The following SLC30A5 variants were observed in gnomAD, a reference collection of about 807,000 sequenced individuals.
SLC30A5 encodes the protein proton-coupled zinc antiporter SLC30A5.
Under a neutral mutation model 79.6 loss-of-function variants are expected in SLC30A5, and 33 were observed. The observed-to-expected ratio is 0.41, with a 90% CI of 0.31 to 0.55. SLC30A5 has a LOEUF of 0.55. Among genes scored for constraint, SLC30A5 ranks in the 20% least tolerant of loss-of-function variants. The pLI, the probability that SLC30A5 is intolerant of heterozygous loss-of-function variation, is 0.20. For synonymous variants in SLC30A5, 299 were observed against 319.7 expected (o/e 0.94, Z 0.69); for missense variants, 788 against 928.1 (o/e 0.85, Z 1.96).
chr5:69,129,345 A>G, intron 15 of SLC30A5, 102 bp from the exon 16 acceptor site: 2 of 825,730 alleles, frequency 2.4e-6, no homozygotes, highest in Non-Finnish European at 3.6e-6. Context: ...GTATTTTCAG[A>G]TTAAAGATAC....
chr5:69,113,212 A>C lies in SLC30A5; in HGVS notation c.520A>C (p.Lys174Gln). The change falls in exon 6 of 16, where the codon AAA (lysine) becomes CAA (glutamine). Residue 174 changes from lysine (K) to glutamine (Q), a missense_variant. Lys to Gln is a moderately conservative substitution (Grantham distance 53). Coordinates refer to ENST00000396591, the MANE Select transcript of SLC30A5 (RefSeq NM_022902.5). Reference protein sequence around the residue: ...LLFDNDDLMAKMAEHPEGHHD... With the variant: ...LLFDNDDLMAQMAEHPEGHHD... The stretch of plus-strand genomic sequence containing the variant: ...TTTTGACAATGATGATCTCATGGCT[A>C]AAATGGCTGAACACCGTATCCTTTT... 1 of 1,613,294 alleles carries C rather than the reference A, an allele frequency of 6.2e-7. No individual in the cohort carries two copies. Among genetic ancestry groups the C allele is most frequent in the South Asian group, 1.1e-5 (1 of 90,946 alleles).
At chr5:69,095,713 G>A (rs1243939500) in intron 1 of SLC30A5, among the ~76,000 whole-genome samples, 1 of 152,082 alleles carries the variant, frequency 6.6e-6, no homozygotes, top group Non-Finnish European at 1.5e-5. Context: ...TGCTTTAAAG[G>A]ATGTTACTGG....
Position 69,094,073 on chromosome 5 carries a change from C to CG in SLC30A5, c.-183_-182insG. 2.5e-6 allele frequency: 1 copy of CG among 401,434 alleles called. No homozygotes were observed. The allele number at this position is 401,434 out of a possible 1,614,324, so 24.9% of individuals were successfully genotyped here. A position where few individuals can be genotyped will look rare whatever the true frequency, so the allele number is the denominator to read the frequency against. On this transcript the variant is annotated 5_prime_UTR_variant, in exon 1 of 16. Transcript: ENST00000396591. ...CCGCCGGAACTGATCGCGGCCTAGT[C>CG]CCGACGCGTGTGTGCTAGTGAGCCG...
In SLC30A5 at chr5:69,100,247, C is replaced by T. The variant is rs1038663323; in HGVS notation, c.84-560C>T. Among the ~76,000 whole-genome samples the T allele has an allele frequency of 6.6e-5, 10 of 152,250 alleles. No individual in the cohort carries two copies. The East Asian group carries it at 1.9e-3, about 29-fold the overall frequency. ...CCTCCCAAAGTGCTGGGATTACAGG[C>T]ATGAGCGCCCAGCCTGTTTGTATTT... is the stretch of plus-strand genomic sequence containing the variant. On this transcript the variant is annotated intron_variant, in intron 1 of 15. Coordinates refer to ENST00000396591, the MANE Select transcript of SLC30A5 (RefSeq NM_022902.5).
intron 2 of SLC30A5, 82 bp from the exon 3 acceptor site, chr5:69,102,980 T>A: frequency 1.6e-6 from 1 of 644,040 alleles, no homozygotes; most frequent in Admixed American, 2.8e-5. Context: ...CATATTTGTT[T>A]AAAATAAGTG....
intron 15 of SLC30A5, 84 bp from the exon 16 acceptor site, chr5:69,129,363 G>A (rs761013428): frequency 4.4e-5 from 42 of 948,496 alleles, no homozygotes; most frequent in Admixed American, 3.3e-4. Flanking sequence ...TACTCAACCC[G>A]TATCAACTAT....
intron 12 of SLC30A5, among the ~76,000 whole-genome samples, chr5:69,121,023 T>C (rs1746520892): frequency 6.6e-6 from 1 of 152,200 alleles, no homozygotes; most frequent in Non-Finnish European, 1.5e-5. Flanking sequence ...CCAGGCATAG[T>C]GGCTCATGCC....
At chr5:69,098,830 C>A (rs1474904509) in intron 1 of SLC30A5, among the ~76,000 whole-genome samples, 1 of 152,214 alleles carries the variant, frequency 6.6e-6, no homozygotes, top group Non-Finnish European at 1.5e-5. Flanking sequence ...AGGTGCTCAA[C>A]AAATGTTAAC....
At chr5:69,112,248 G>A (rs902240948) in intron 5 of SLC30A5, among the ~76,000 whole-genome samples, 1 of 151,566 alleles carries the variant, frequency 6.6e-6, no homozygotes, top group African/African-American at 2.4e-5. Flanking sequence ...AGTGAGCCGA[G>A]ATCGTGCCAT....
intron 14 of SLC30A5, among the ~76,000 whole-genome samples, chr5:69,124,845 C>T (rs187586736): frequency 2.6e-5 from 4 of 152,170 alleles, no homozygotes; most frequent in Admixed American, 1.3e-4. Flanking sequence ...GCTGGGATTA[C>T]AGGTGTGAGC....
rs116806616 is a variant in SLC30A5, at chr5:69,095,452, G to A, written c.83+1114G>A. Reference sequence around the variant, plus strand: ...CCCGACCTCGTGATCGGCCTGCCTCGGTCTTCCAAAGTGCCGGGATTACAG... The same window carrying A: ...CCCGACCTCGTGATCGGCCTGCCTCAGTCTTCCAAAGTGCCGGGATTACAG... On this transcript the variant is annotated intron_variant, in intron 1 of 15. Coordinates refer to ENST00000396591, the MANE Select transcript of SLC30A5 (RefSeq NM_022902.5). Among the ~76,000 whole-genome samples the A allele has an allele frequency of 5.1e-3, 768 of 152,056 alleles. 5 individuals carry two copies. The highest frequency in any genetic ancestry group is 0.017 in the African/African-American group (711 of 41,474).
intron 14 of SLC30A5, among the ~76,000 whole-genome samples, chr5:69,126,095 C>T (rs1746679816): frequency 6.6e-6 from 1 of 151,936 alleles, no homozygotes; most frequent in Non-Finnish European, 1.5e-5. Context: ...TATAAACCAG[C>T]AATTCCTAGA....
At chr5:69,106,824 A>T (rs1303211298) in intron 4 of SLC30A5, among the ~76,000 whole-genome samples, 1 of 151,908 alleles carries the variant, frequency 6.6e-6, no homozygotes, top group Admixed American at 6.6e-5. Context: ...TTTTTTCTTT[A>T]TATCCTTATT....
At chr5:69,106,521 C>A (rs1411987137) in intron 4 of SLC30A5, among the ~76,000 whole-genome samples, 1 of 152,182 alleles carries the variant, frequency 6.6e-6, no homozygotes, top group Non-Finnish European at 1.5e-5. Flanking sequence ...TCTACTAAAA[C>A]CATTATGCAG....
chr5:69,124,664 C>T (rs1746627427), intron 14 of SLC30A5, among the ~76,000 whole-genome samples: 1 of 152,160 alleles, frequency 6.6e-6, no homozygotes, highest in South Asian at 2.1e-4. Context: ...CAACCTCCAC[C>T]TCCCGGGTTC....
At position 69,116,575 on chromosome 5, in the gene SLC30A5, G is replaced by C; in HGVS notation, c.1254G>C (p.Gln418His). The change falls in exon 10 of 16, where the codon CAG (glutamine) becomes CAC (histidine). Residue 418 changes from glutamine to histidine, a missense_variant. Gln to His is a conservative substitution (Grantham distance 24, BLOSUM62 0). Around this residue, in one of 3 missense-constraint regions of SLC30A5, gnomAD observed 626 missense variants for 755.5 expected, o/e 0.83. Transcript: ENST00000396591. This position sits in a 1 kb window ranked among gnomAD's most constrained non-coding sequence, Gnocchi z 4.0. ...TTCTTGAGGAGAGTGACTCTAGGCA[G>C]ATCTTTTACTTCTTGTGCTTGAATC... ...KQILEESDSR[Q>H]IFYFLCLNLL... is the part of the protein sequence containing the mutation. 6.4e-7 allele frequency: 1 copy of C among 1,572,168 alleles called. No homozygotes were observed. The highest frequency in any genetic ancestry group is 8.6e-7 in the Non-Finnish European group (1 of 1,164,496).
chr5:69,113,474 A>C (rs956618074), intron 6 of SLC30A5, among the ~76,000 whole-genome samples: 3 of 151,974 alleles, frequency 2.0e-5, no homozygotes, highest in Non-Finnish European at 4.4e-5. Context: ...CATTGAAAGA[A>C]TATTTTGGAA....
Position 69,094,065 on chromosome 5 carries a change from G to A in SLC30A5, c.-191G>A. 2.5e-6 allele frequency: 1 copy of A among 398,532 alleles called. No homozygotes were observed. 24.7% of individuals were successfully genotyped at this position (398,532 alleles called of 1,614,324 possible). A position where few individuals can be genotyped will look rare whatever the true frequency, so the allele number is the denominator to read the frequency against. On this transcript the variant is annotated 5_prime_UTR_variant, in exon 1 of 16. Transcript: ENST00000396591. Reference sequence around the variant, plus strand: ...ACCTGGCGCCGCCGGAACTGATCGCGGCCTAGTCCCGACGCGTGTGTGCTA... The same window carrying A: ...ACCTGGCGCCGCCGGAACTGATCGCAGCCTAGTCCCGACGCGTGTGTGCTA...
intron 1 of SLC30A5, 124 bp from the exon 2 acceptor site, chr5:69,100,683 G>A (rs1745887660): frequency 1.4e-6 from 1 of 696,892 alleles, no homozygotes; most frequent in Non-Finnish European, 2.3e-6. Flanking sequence ...ACTCTGTTTT[G>A]TTTCATTTTG....
Sources: allele counts gnomAD v4.1 joint callset (sites outside exome capture counted in the v4.1 genomes callset), GRCh38; gene constraint gnomAD v4.1.1; regional missense constraint gnomAD v4.1.1; non-coding constraint Gnocchi (gnomAD v3.1); transcripts MANE v1.5; gene names NCBI Gene and HGNC (gene_info 2026-07-23, HGNC 2026-07-21).